Variants in DLGAP2 observed in about 807,000 individuals in gnomAD.
DLGAP2 encodes the protein DLG associated protein 2.
DLGAP2 carries 26 observed loss-of-function variants against 100.3 expected under a neutral mutation model. The ratio of observed to expected loss-of-function variants is 0.26; its 90% CI spans 0.19 to 0.36. DLGAP2 has a LOEUF of 0.36. Among genes scored for constraint, DLGAP2 ranks in the 10% least tolerant of loss-of-function variants. The probability of loss-of-function intolerance (pLI) is 1.00; values close to 1 mark genes in which losing one functional copy is unlikely to be tolerated. For missense variants in DLGAP2, 1,858 were observed against 1,453.2 expected, an observed-to-expected ratio of 1.28 and a Z score of -4.53; for synonymous variants, 886 against 630.1, an observed-to-expected ratio of 1.41 and a Z score of -6.08.
intron 2 of DLGAP2, among the ~76,000 whole-genome samples, chr8:1,123,243 A>G (rs965989930): frequency 1.3e-5 from 2 of 152,220 alleles, no homozygotes; most frequent in African/African-American, 4.8e-5. Context: ...TGCATTCTAA[A>G]ATGTAAAGCA....
chr8:1,613,853 A>G (rs943998792), intron 6 of DLGAP2, among the ~76,000 whole-genome samples: 2 of 152,222 alleles, frequency 1.3e-5, no homozygotes, highest in African/African-American at 4.8e-5. Context: ...AAAATCATAG[A>G]GAAAGATTAG....
At chr8:1,365,123 C>G (rs540212145) in intron 3 of DLGAP2, among the ~76,000 whole-genome samples, 15 of 152,266 alleles carry the variant, frequency 9.9e-5, no homozygotes, top group East Asian at 3.9e-4. Context: ...AGCGGGAGGT[C>G]AGGGGCCTGC....
chr8:1,042,802 G>C (rs1247885312), intron 2 of DLGAP2, among the ~76,000 whole-genome samples: 1 of 135,248 alleles, frequency 7.4e-6, no homozygotes, highest in African/African-American at 2.7e-5. Flanking sequence ...GTGGGTGGTG[G>C]GTGTGGGTGG....
intron 2 of DLGAP2, among the ~76,000 whole-genome samples, chr8:1,126,849 A>AG (rs1457705353): frequency 1.3e-5 from 2 of 151,926 alleles, no homozygotes; most frequent in African/African-American, 4.8e-5. Flanking sequence ...GGTGCAGATG[A>AG]GGGGCCTCAC....
chr8:1,502,957 C>A (rs903824961), intron 4 of DLGAP2, among the ~76,000 whole-genome samples: 1 of 152,090 alleles, frequency 6.6e-6, no homozygotes, highest in Non-Finnish European at 1.5e-5. Flanking sequence ...GGGCACAGAA[C>A]TGAAACAAGA....
At chr8:1,527,155 C>G (rs530130847) in intron 4 of DLGAP2, among the ~76,000 whole-genome samples, 1 of 152,266 alleles carries the variant, frequency 6.6e-6, no homozygotes. Flanking sequence ...CCAACCCTCT[C>G]CTGTGAGTTC....
chr8:1,667,587 G>A (rs1798577043), intron 8 of DLGAP2, among the ~76,000 whole-genome samples: 1 of 152,178 alleles, frequency 6.6e-6, no homozygotes, highest in Non-Finnish European at 1.5e-5. Context: ...TCGTTATAAT[G>A]ATTTTTAGAA....
intron 1 of DLGAP2, among the ~76,000 whole-genome samples, chr8:874,965 T>G (rs543873461): frequency 4.6e-5 from 7 of 152,366 alleles, no homozygotes; most frequent in African/African-American, 1.7e-4. Context: ...TAATTGTTAT[T>G]GCTCCTGATG....
chr8:1,157,179 G>A (rs1796807804), intron 2 of DLGAP2, among the ~76,000 whole-genome samples: 1 of 152,146 alleles, frequency 6.6e-6, no homozygotes, highest in Admixed American at 6.5e-5. Flanking sequence ...CTCTTTAGCT[G>A]TGATCAGCCT....
intron 1 of DLGAP2, among the ~76,000 whole-genome samples, chr8:770,183 C>G (rs906811585): frequency 6.6e-6 from 1 of 152,112 alleles, no homozygotes; most frequent in African/African-American, 2.4e-5. Context: ...CACAGTGTTG[C>G]TACAATTTGC....
intron 4 of DLGAP2, among the ~76,000 whole-genome samples, chr8:1,509,187 C>T (rs1201290307): frequency 2.0e-5 from 3 of 151,880 alleles, no homozygotes; most frequent in Admixed American, 6.6e-5. Context: ...AAATATTAGC[C>T]GGGCATGGTG....
intron 2 of DLGAP2, among the ~76,000 whole-genome samples, chr8:1,223,447 T>A (rs1024712564): frequency 9.9e-5 from 15 of 152,130 alleles, no homozygotes; most frequent in African/African-American, 3.1e-4. Context: ...TTTGAAACAA[T>A]TAGTGGGTGG....
At chr8:1,279,374 C>G (rs1799769871) in intron 3 of DLGAP2, among the ~76,000 whole-genome samples, 1 of 152,116 alleles carries the variant, frequency 6.6e-6, no homozygotes, top group African/African-American at 2.4e-5. Flanking sequence ...AATATGTGGG[C>G]ATAAATATGA....
chr8:1,662,076 G>A (rs186516667), intron 8 of DLGAP2, among the ~76,000 whole-genome samples: 268 of 152,342 alleles, frequency 1.8e-3, no homozygotes, highest in Admixed American at 2.4e-3. Flanking sequence ...AGGGTCTTCC[G>A]CCCATAGGTC....
chr8:1,028,844 G>A (rs965555130), intron 2 of DLGAP2, among the ~76,000 whole-genome samples: 4 of 152,350 alleles, frequency 2.6e-5, no homozygotes, highest in African/African-American at 9.6e-5. Context: ...GCTGCAGCAT[G>A]GAGATGGCTT....
intron 2 of DLGAP2, among the ~76,000 whole-genome samples, chr8:1,096,155 A>G (rs1346920768): frequency 6.6e-6 from 1 of 152,154 alleles, no homozygotes; most frequent in Non-Finnish European, 1.5e-5. Context: ...GGTTAATTGG[A>G]CCTGTTTTCA....
chr8:1,036,870 T>C (rs1464130527), intron 2 of DLGAP2, among the ~76,000 whole-genome samples: 1 of 152,202 alleles, frequency 6.6e-6, no homozygotes, highest in East Asian at 1.9e-4. Flanking sequence ...CTCTTGATTT[T>C]ACCCCTTGAA....
In DLGAP2 at chr8:766,979, C is replaced by A. The variant is rs7464631; in HGVS notation, c.18+29154C>A. On this transcript the variant is annotated intron_variant, in intron 1 of 14. Coordinates refer to ENST00000637795, the MANE Select transcript of DLGAP2 (RefSeq NM_001346810.2). ...GCAGGAGCACAGCTTCCTCCTCCTG[C>A]GGTGCACTGGCGTCAGGCGCCCATG... is the stretch of plus-strand genomic sequence containing the variant. 7.9e-5 allele frequency among the ~76,000 whole-genome samples: 12 copies of A among 152,134 alleles called. No homozygotes were observed. The South Asian group carries it at 2.3e-3, about 29-fold the overall frequency.
chr8:1,316,139 G>A (rs71516171), intron 3 of DLGAP2, among the ~76,000 whole-genome samples: 75 of 113,838 alleles, frequency 6.6e-4, no homozygotes, highest in Admixed American at 9.0e-4. Context: ...GTGTGCGAGT[G>A]CAGCGTCTCC....
Sources: gnomAD v4.1 joint callset for allele counts (sites outside exome capture counted in the v4.1 genomes callset) on GRCh38, gnomAD v4.1.1 for gene constraint, MANE v1.5 for transcripts, NCBI Gene and HGNC (gene_info 2026-07-23, HGNC 2026-07-21) for gene names.